The following CHSY1 variants were observed in gnomAD, a reference collection of about 807,000 sequenced individuals.
CHSY1 encodes chondroitin sulfate synthase 1, also known as N-acetylgalactosaminyl-proteoglycan 3-beta-glucuronosyltransferase 1.
In CHSY1, 13 loss-of-function variants were observed where a neutral mutation model predicts 59.8. The observed-to-expected ratio is 0.22, with a 90% CI of 0.14 to 0.35. The LOEUF (loss-of-function observed/expected upper bound fraction) is 0.35. Among genes scored for constraint, CHSY1 ranks in the 10% least tolerant of loss-of-function variants. The pLI is 1.00. For synonymous variants in CHSY1, 459 were observed against 401.2 expected (o/e 1.14, Z -1.72); for missense variants, 947 against 1,030.6 (o/e 0.92, Z 1.11).
Position 101,251,316 on chromosome 15 carries a change from G to A in CHSY1, c.141C>T (p.Gly47=). ...AAGCCGCCGCCTGCCCGGACCGGCA[G>A]CCCTCGGGGCTGGCGCGGCGCCGTG... ...AGPRRRASPE[G]CRSGQAAASQ... is the part of the protein sequence containing the mutation. Residue 47 remains glycine (G), a synonymous_variant, in exon 1 of 3, where the codon GGC becomes GGT. Transcript: ENST00000254190. 8.8e-7 allele frequency: 1 copy of A among 1,130,330 alleles called. No individual in the cohort carries two copies. Among genetic ancestry groups the A allele is most frequent in the Non-Finnish European group, 1.1e-6 (1 of 922,142 alleles). The allele number at this position is 1,130,330 out of a possible 1,614,324, so 70.0% of individuals were successfully genotyped here. A position where few individuals can be genotyped will look rare whatever the true frequency, so the allele number is the denominator to read the frequency against.
intron 2 of CHSY1, among the ~76,000 whole-genome samples, chr15:101,180,998 C>A (rs1160850912): frequency 6.6e-6 from 1 of 152,182 alleles, no homozygotes; most frequent in Non-Finnish European, 1.5e-5. Flanking sequence ...GGCCATAAAA[C>A]CTTGAAGCAA....
chr15:101,249,581 T>G (rs982890261), intron 1 of CHSY1, among the ~76,000 whole-genome samples: 1 of 147,472 alleles, frequency 6.8e-6, no homozygotes, highest in African/African-American at 2.6e-5. Context: ...TGGCATGATC[T>G]TGGCTCATTG....
intron 1 of CHSY1, among the ~76,000 whole-genome samples, chr15:101,239,629 G>A (rs1055431354): frequency 6.6e-6 from 1 of 152,236 alleles, no homozygotes; most frequent in African/African-American, 2.4e-5. Context: ...AAATAAGGTA[G>A]TGAAAGAACA....
chr15:101,192,053 A>G (rs180750627), intron 2 of CHSY1, among the ~76,000 whole-genome samples: 1 of 152,242 alleles, frequency 6.6e-6, no homozygotes, highest in Non-Finnish European at 1.5e-5. Flanking sequence ...TAAACTAAAA[A>G]GCCCTATACA....
chr15:101,251,585 C>T lies in CHSY1; in HGVS notation c.-129G>A. On this transcript the variant is annotated 5_prime_UTR_variant, in exon 1 of 3. Coordinates refer to ENST00000254190, the MANE Select transcript of CHSY1 (RefSeq NM_014918.5). ...GGCCCGGGCAGCGCCGCCGCCGCCG[C>T]GGGCCCGCCGCGCCCATCGCGGCCC... The T allele has an allele frequency of 6.8e-6, 1 of 147,294 alleles. No homozygotes were observed. Among genetic ancestry groups the T allele is most frequent in the Non-Finnish European group, 1.5e-5 (1 of 67,536 alleles). The allele number at this position is 147,294 out of a possible 1,614,324, so 9.1% of individuals were successfully genotyped here. A position where few individuals can be genotyped will look rare whatever the true frequency, so the allele number is the denominator to read the frequency against.
At chr15:101,230,545 T>C (rs575223478) in intron 2 of CHSY1, among the ~76,000 whole-genome samples, 1 of 152,324 alleles carries the variant, frequency 6.6e-6, no homozygotes, top group African/African-American at 2.4e-5. Flanking sequence ...TTATAATGTG[T>C]GAATTTTTTT....
chr15:101,202,025 G>A (rs979516596), intron 2 of CHSY1, among the ~76,000 whole-genome samples: 2 of 152,362 alleles, frequency 1.3e-5, no homozygotes, highest in African/African-American at 4.8e-5. Context: ...TGCATTCCAT[G>A]AGCTTTAGCA....
In CHSY1 at chr15:101,184,203, C is replaced by A. The variant is rs373254627; in HGVS notation, c.817-5223G>T. Among the ~76,000 whole-genome samples the A allele has an allele frequency of 4.6e-5, 7 of 152,208 alleles. No homozygotes were observed. In the East Asian group the frequency reaches 1.4e-3, roughly 29 times the overall value. ...CACAAAGTGTTTTAGAAGCTGCCTA[C>A]GGTTGTTACTTTCACAGAGTGTGTG... is the stretch of plus-strand genomic sequence containing the variant. On this transcript the variant is annotated intron_variant, in intron 2 of 2. Transcript: ENST00000254190.
intron 2 of CHSY1, among the ~76,000 whole-genome samples, chr15:101,215,285 G>C (rs914258892): frequency 2.6e-5 from 4 of 152,188 alleles, no homozygotes; most frequent in African/African-American, 9.7e-5. Flanking sequence ...AATCTTAAAA[G>C]GTTTTCCAGG....
At chr15:101,222,717 C>T (rs748526092) in intron 2 of CHSY1, among the ~76,000 whole-genome samples, 1 of 152,076 alleles carries the variant, frequency 6.6e-6, no homozygotes, top group Non-Finnish European at 1.5e-5. Flanking sequence ...AAGTTTTCTC[C>T]GATTAAACTG....
At chr15:101,237,395 G>T (rs2038956458) in intron 1 of CHSY1, among the ~76,000 whole-genome samples, 1 of 152,084 alleles carries the variant, frequency 6.6e-6, no homozygotes, top group Non-Finnish European at 1.5e-5. Context: ...GGAGAAGAAG[G>T]CCGAAGGAAG....
intron 2 of CHSY1, chr15:101,188,196 A>G (rs2038395721): frequency 2.0e-6 from 2 of 985,296 alleles, no homozygotes; most frequent in African/African-American, 3.5e-5. Context: ...CATTACAGAG[A>G]AGTGGTTTTC....
chr15:101,233,185 T>C (rs999820433), intron 2 of CHSY1, among the ~76,000 whole-genome samples: 2 of 152,108 alleles, frequency 1.3e-5, no homozygotes, highest in East Asian at 1.9e-4. Context: ...GAAAATCATC[T>C]CCAAAATGGC....
chr15:101,224,921 T>C (rs182845750), intron 2 of CHSY1, among the ~76,000 whole-genome samples: 1 of 152,352 alleles, frequency 6.6e-6, no homozygotes, highest in East Asian at 1.9e-4. Context: ...GATGATGCCA[T>C]CTTAAGACCT....
chr15:101,237,287 G>T (rs1376199819), intron 1 of CHSY1, among the ~76,000 whole-genome samples: 2 of 147,700 alleles, frequency 1.4e-5, no homozygotes, highest in East Asian at 3.9e-4. Context: ...GTACACTAGA[G>T]ATGCAGGCCT....
At chr15:101,247,495 C>T (rs1036444463) in intron 1 of CHSY1, among the ~76,000 whole-genome samples, 2 of 152,110 alleles carry the variant, frequency 1.3e-5, no homozygotes, top group Non-Finnish European at 2.9e-5. Flanking sequence ...GACAGCAAGC[C>T]GTGTACTGCA....
At chr15:101,206,253 G>A (rs1249197935) in intron 2 of CHSY1, among the ~76,000 whole-genome samples, 2 of 152,180 alleles carry the variant, frequency 1.3e-5, no homozygotes, top group Non-Finnish European at 1.5e-5. Context: ...CGTGCGCCAC[G>A]GAGTGAAACT....
At chr15:101,212,673 G>A (rs1441325113) in intron 2 of CHSY1, among the ~76,000 whole-genome samples, 2 of 152,240 alleles carry the variant, frequency 1.3e-5, no homozygotes, top group African/African-American at 4.8e-5. Context: ...CTTACAAGGA[G>A]TCTGGGTTAC....
At position 101,178,989 on chromosome 15, in the gene CHSY1, G is replaced by A. The variant is rs878878899; in HGVS notation, c.817-9C>T. ...TAAAAAAGCTGCTGCATCTGTTACA[G>A]GAAAAAAAAGAGATCACAAATTTAG... On this transcript the variant is annotated splice_polypyrimidine_tract_variant and intron_variant, in intron 2 of 2. Coordinates refer to ENST00000254190, the MANE Select transcript of CHSY1 (RefSeq NM_014918.5). 3 of 1,613,012 alleles carry A rather than the reference G, an allele frequency of 1.9e-6. No individual in the cohort carries two copies. Among genetic ancestry groups the A allele is most frequent in the Non-Finnish European group, 2.5e-6 (3 of 1,179,524 alleles).
Sources: gnomAD v4.1 joint callset for allele counts (sites outside exome capture counted in the v4.1 genomes callset) on GRCh38, gnomAD v4.1.1 for gene constraint, MANE v1.5 for transcripts, NCBI Gene and HGNC (gene_info 2026-07-23, HGNC 2026-07-21) for gene names.